ADGRG6: variants seen among roughly 807,000 people sequenced by gnomAD.
ADGRG6 encodes adhesion G protein-coupled receptor G6.
In ADGRG6, 84 loss-of-function variants were observed where a neutral mutation model predicts 142.4. That is an observed-to-expected ratio of 0.59 (90% CI 0.49 to 0.71). The LOEUF (loss-of-function observed/expected upper bound fraction) is 0.71. Ranked by LOEUF, ADGRG6 falls within the 30% of genes least tolerant of loss-of-function variation. ADGRG6 has a pLI of 0.00. For synonymous variants in ADGRG6, 521 were observed against 520.5 expected, an observed-to-expected ratio of 1.00 and a Z score of -0.01; for missense variants, 1,367 against 1,466.6, an observed-to-expected ratio of 0.93 and a Z score of 1.11.
At chr6:142,430,259 A>G (rs1777146280) in intron 22 of ADGRG6, among the ~76,000 whole-genome samples, 1 of 152,152 alleles carries the variant, frequency 6.6e-6, no homozygotes, top group Non-Finnish European at 1.5e-5. Flanking sequence ...TATCCAGTTT[A>G]TTGATGATAA....
chr6:142,313,179 T>A (rs1047718512), intron 2 of ADGRG6, among the ~76,000 whole-genome samples: 8 of 152,022 alleles, frequency 5.3e-5, no homozygotes, highest in East Asian at 1.9e-4. Flanking sequence ...TTTCTTTTTT[T>A]AAAAAAAGCC....
chr6:142,329,277 G>T (rs1412042570), intron 2 of ADGRG6, among the ~76,000 whole-genome samples: 1 of 152,054 alleles, frequency 6.6e-6, no homozygotes, highest in Non-Finnish European at 1.5e-5. Flanking sequence ...ACCAATTTGG[G>T]AGAGTTTCTG....
chr6:142,372,343 C>G (rs1021447259), intron 4 of ADGRG6, among the ~76,000 whole-genome samples: 1 of 152,132 alleles, frequency 6.6e-6, no homozygotes, highest in African/African-American at 2.4e-5. Context: ...GCCTAGTATT[C>G]AAAAGTAATT....
chr6:142,316,776 C>A (rs1374844770), intron 2 of ADGRG6, among the ~76,000 whole-genome samples: 1 of 151,806 alleles, frequency 6.6e-6, no homozygotes, highest in Non-Finnish European at 1.5e-5. Flanking sequence ...AAAAGCTAGA[C>A]TTTTAGAGAT....
intron 22 of ADGRG6, among the ~76,000 whole-genome samples, chr6:142,426,773 G>A (rs751991817): frequency 4.6e-5 from 7 of 152,164 alleles, no homozygotes; most frequent in South Asian, 2.1e-4. Context: ...AAATCTAGGC[G>A]GAGGTTCCCA....
At chr6:142,419,051 T>C (rs73580474) in intron 21 of ADGRG6, among the ~76,000 whole-genome samples, 2,386 of 152,256 alleles carry the variant, frequency 0.016, 50 homozygotes, top group African/African-American at 0.051. Flanking sequence ...CAACCATCTG[T>C]ATATTAATCT....
At chr6:142,420,965 C>A (rs1776630089) in intron 22 of ADGRG6, among the ~76,000 whole-genome samples, 1 of 152,164 alleles carries the variant, frequency 6.6e-6, no homozygotes, top group East Asian at 1.9e-4. Flanking sequence ...TAGAGCAGTG[C>A]AAATGGCTTA....
chr6:142,367,447 G>T, intron 2 of ADGRG6, 122 bp from the exon 3 acceptor site: 7 of 620,338 alleles, frequency 1.1e-5, no homozygotes, highest in South Asian at 2.5e-5. Context: ...TATTTTTTAT[G>T]ATTGTATGTT....
intron 13 of ADGRG6, among the ~76,000 whole-genome samples, chr6:142,403,198 C>T (rs1775623645): frequency 6.6e-6 from 1 of 152,064 alleles, no homozygotes; most frequent in South Asian, 2.1e-4. Context: ...CTGACAGCCA[C>T]AGCCACATGA....
intron 24 of ADGRG6, chr6:142,441,028 A>C: frequency 1.5e-6 from 1 of 681,850 alleles, no homozygotes; most frequent in Non-Finnish European, 2.4e-6. Context: ...GGATTAAGCT[A>C]AGATTCTTGC....
chr6:142,390,966 A>G (rs1412066354), intron 7 of ADGRG6, among the ~76,000 whole-genome samples: 1 of 151,778 alleles, frequency 6.6e-6, no homozygotes, highest in African/African-American at 2.4e-5. Flanking sequence ...AGAGAACTAC[A>G]TGTTTTTTTT....
chr6:142,441,170 T>C (rs527362127), intron 24 of ADGRG6, among the ~76,000 whole-genome samples: 1 of 152,302 alleles, frequency 6.6e-6, no homozygotes, highest in African/African-American at 2.4e-5. Flanking sequence ...TGCAAGCGGC[T>C]CCTTCTAGGA....
chr6:142,443,225 C>G lies in ADGRG6; in HGVS notation c.3575-112C>G, dbSNP rs959513068. On this transcript the variant is annotated intron_variant, in intron 24 of 24. Coordinates refer to ENST00000367609, the MANE Select transcript of ADGRG6 (RefSeq NM_198569.3). The stretch of plus-strand genomic sequence containing the variant: ...TACCTAATATAAGAAAGAATCGGAG[C>G]TTTATTTTCTTTTGTTCTTCTTTAA... 5 of 619,572 alleles carry G rather than the reference C, an allele frequency of 8.1e-6. No homozygotes were observed. In the East Asian group the frequency reaches 1.4e-4, roughly 17 times the overall value. The allele number at this position is 619,572 out of a possible 1,614,324, so 38.4% of individuals were successfully genotyped here. A position where few individuals can be genotyped will look rare whatever the true frequency, so the allele number is the denominator to read the frequency against.
chr6:142,386,110 A>G lies in ADGRG6; in HGVS notation c.1222+2267A>G, dbSNP rs1333990712. On this transcript the variant is annotated intron_variant, in intron 6 of 24. Transcript: ENST00000367609. ...GATAATCAGATATATTTATCATAGT[A>G]TATCAATAGAATTTGTTTTCCTGGC... 6.6e-5 allele frequency among the ~76,000 whole-genome samples: 10 copies of G among 152,216 alleles called. No homozygotes were observed. The East Asian group carries it at 1.5e-3, about 23-fold the overall frequency.
intron 2 of ADGRG6, among the ~76,000 whole-genome samples, chr6:142,313,054 G>A (rs1306288676): frequency 6.6e-6 from 1 of 151,962 alleles, no homozygotes; most frequent in Non-Finnish European, 1.5e-5. Context: ...TTGTCTCAGA[G>A]GCACAGTTTG....
chr6:142,440,024 C>A (rs1015815063), intron 24 of ADGRG6, among the ~76,000 whole-genome samples: 1 of 151,970 alleles, frequency 6.6e-6, no homozygotes. Context: ...GGAATTAAAC[C>A]AAATGAATTG....
At chr6:142,400,864 A>G in intron 11 of ADGRG6, 1 of 313,218 alleles carries the variant, frequency 3.2e-6, no homozygotes, top group Non-Finnish European at 5.9e-6. Flanking sequence ...GCACCAGAGC[A>G]AAGTACCTTG....
chr6:142,309,767 A>G, intron 2 of ADGRG6, 123 bp downstream of exon 2: 1 of 567,310 alleles, frequency 1.8e-6, no homozygotes, highest in Non-Finnish European at 2.9e-6. Context: ...TCCTGTTTCT[A>G]TCCTTATAGG....
At chr6:142,354,691 T>G (rs1780358492) in intron 2 of ADGRG6, among the ~76,000 whole-genome samples, 1 of 152,226 alleles carries the variant, frequency 6.6e-6, no homozygotes, top group African/African-American at 2.4e-5. Flanking sequence ...AAGGGACGTA[T>G]TACAGAAAAA....
Sources: allele counts gnomAD v4.1 joint callset (sites outside exome capture counted in the v4.1 genomes callset), GRCh38; gene constraint gnomAD v4.1.1; transcripts MANE v1.5; gene names NCBI Gene and HGNC (gene_info 2026-07-23, HGNC 2026-07-21).